Variants in KLB observed in about 807,000 individuals in gnomAD.
KLB encodes beta-klotho.
Under a neutral mutation model 88.4 loss-of-function variants are expected in KLB, and 44 were observed. The ratio of observed to expected loss-of-function variants is 0.50; its 90% CI spans 0.39 to 0.64. The LOEUF (loss-of-function observed/expected upper bound fraction) is 0.64, where lower values mean the gene tolerates loss of function less well. Ranked by LOEUF, KLB falls within the 30% of genes least tolerant of loss-of-function variation. The pLI, the probability that KLB is intolerant of heterozygous loss-of-function variation, is 0.00. For synonymous variants in KLB, 548 were observed against 513.4 expected (o/e 1.07, Z -0.91); for missense variants, 1,137 against 1,304.8 (o/e 0.87, Z 1.98).
chr4:39,413,509 A>G (rs756966371), intron 1 of KLB, among the ~76,000 whole-genome samples: 88 of 152,082 alleles, frequency 5.8e-4, no homozygotes, highest in Non-Finnish European at 1.0e-3. Flanking sequence ...CAGGAGTTCA[A>G]GACTAACCTG....
Position 39,446,031 on chromosome 4 carries a change from G to C in KLB, c.1606-301G>C, listed in dbSNP as rs1239979955. Among the ~76,000 whole-genome samples, 1 of 152,106 alleles carries C rather than the reference G, an allele frequency of 6.6e-6. No homozygotes were observed. The highest frequency in any genetic ancestry group is 2.4e-5 in the African/African-American group (1 of 41,420). On this transcript the variant is annotated intron_variant, in intron 3 of 4. Coordinates refer to ENST00000257408, the MANE Select transcript of KLB (RefSeq NM_175737.4). This position sits in a 1 kb window ranked among gnomAD's most constrained non-coding sequence, Gnocchi z 6.4. ...AATTGCTTTTAATTGAGTGTACCAA[G>C]CCAATTTCCTGATGCATTTGAACAG... is the stretch of plus-strand genomic sequence containing the variant.
chr4:39,434,606 A>G lies in KLB; in HGVS notation c.1222A>G (p.Asn408Asp). 6.2e-7 allele frequency: 1 copy of G among 1,614,188 alleles called. No individual in the cohort carries two copies. Among genetic ancestry groups the G allele is most frequent in the Non-Finnish European group, 8.5e-7 (1 of 1,180,034 alleles). ...GCTGAACTGGATTAAACTGGAATAC[A>G]ACAACCCTCGAATCTTGATTGCTGA... ...EALNWIKLEY[N>D]NPRILIAENG... Residue 408 changes from asparagine to aspartate, a missense_variant, in exon 2 of 5, where the codon AAC becomes GAC. Asn to Asp is a conservative substitution (Grantham distance 23, BLOSUM62 1). This residue lies in a region of KLB where 597 missense variants were observed against 765.2 expected (regional missense o/e 0.78). Transcript: ENST00000257408.
In KLB at chr4:39,448,459, G is replaced by A; in HGVS notation, c.2908G>A (p.Glu970Lys). 1.2e-6 allele frequency: 2 copies of A among 1,614,072 alleles called. No individual in the cohort carries two copies. Among genetic ancestry groups the A allele is most frequent in the East Asian group, 2.2e-5 (1 of 44,876 alleles). Residue 970 changes from glutamate to lysine, a missense_variant, in exon 5 of 5, where the codon GAG (glutamate) becomes AAG (lysine). Physicochemically the swap from Glu to Lys is moderately conservative, Grantham distance 56. This residue lies in a region of KLB where 426 missense variants were observed against 404.6 expected (regional missense o/e 1.05). Transcript: ENST00000257408. The stretch of plus-strand genomic sequence containing the variant: ...GATCAGCAGCAGGGGCTTCCCTTTT[G>A]AGAACAGTAGTTCTAGATGCAGTCA... ...KVISSRGFPF[E>K]NSSSRCSQTQ...
Position 39,407,437 on chromosome 4 carries a change from T to C in KLB, c.488T>C (p.Ile163Thr). 1 of 1,614,148 alleles carries C rather than the reference T, an allele frequency of 6.2e-7. No homozygotes were observed. Among genetic ancestry groups the C allele is most frequent in the Non-Finnish European group, 8.5e-7 (1 of 1,179,990 alleles). Residue 163 changes from isoleucine (I) to threonine (T), a missense_variant, in exon 1 of 5, where the codon ATA becomes ACA. Coordinates refer to ENST00000257408, the MANE Select transcript of KLB (RefSeq NM_175737.4). ...ISWPRLFPDG[I>T]VTVANAKGLQ... The stretch of plus-strand genomic sequence containing the variant: ...TGGCCAAGGCTTTTCCCCGATGGAA[T>C]AGTAACAGTTGCCAACGCAAAAGGT...
chr4:39,421,788 C>G (rs1267369331), intron 1 of KLB, among the ~76,000 whole-genome samples: 1 of 152,118 alleles, frequency 6.6e-6, no homozygotes, highest in Non-Finnish European at 1.5e-5. Flanking sequence ...ACTCTGTCAC[C>G]CAGACTGGAG....
At chr4:39,408,017 AT>A (rs1742767290) in intron 1 of KLB, among the ~76,000 whole-genome samples, 1 of 152,198 alleles carries the variant, frequency 6.6e-6, no homozygotes, top group South Asian at 2.1e-4. Context: ...TAAATCTACC[AT>A]TATACACTAC....
Position 39,407,565 on chromosome 4 carries a change from T to C in KLB, c.616T>C (p.Tyr206His). 3 of 1,613,936 alleles carry C rather than the reference T, an allele frequency of 1.9e-6. No individual in the cohort carries two copies. In the East Asian group the frequency reaches 6.7e-5, roughly 36 times the overall value. The part of the protein sequence containing the change: ...WDLPLALQEK[Y>H]GGWKNDTIID... ...TTTGCCTTTGGCACTACAAGAAAAA[T>C]ATGGGGGGTGGAAAAATGATACCAT... Residue 206 changes from tyrosine (Y) to histidine (H), a missense_variant, in exon 1 of 5, where the codon TAT becomes CAT. Coordinates refer to ENST00000257408, the MANE Select transcript of KLB (RefSeq NM_175737.4).
intron 3 of KLB, among the ~76,000 whole-genome samples, chr4:39,439,606 C>A (rs566262685): frequency 6.6e-6 from 1 of 152,038 alleles, no homozygotes; most frequent in South Asian, 2.1e-4. Flanking sequence ...ATTCTCCTGC[C>A]TCAGCCTCCC....
intron 1 of KLB, among the ~76,000 whole-genome samples, chr4:39,432,025 G>A (rs1009932988): frequency 5.3e-5 from 8 of 152,162 alleles, no homozygotes; most frequent in Non-Finnish European, 8.8e-5. Context: ...AGTGGCTCAC[G>A]CCTGTAATCC....
At chr4:39,427,130 T>G (rs1388805884) in intron 1 of KLB, among the ~76,000 whole-genome samples, 2 of 151,722 alleles carry the variant, frequency 1.3e-5, no homozygotes, top group African/African-American at 4.8e-5. Flanking sequence ...AGGCCAGGAG[T>G]TCGATACCAG....
chr4:39,438,113 AG>A lies in KLB; in HGVS notation c.1605+120del, dbSNP rs1281439967. On this transcript the variant is annotated intron_variant, in intron 3 of 4. Coordinates refer to ENST00000257408, the MANE Select transcript of KLB (RefSeq NM_175737.4). Reference sequence around the variant, plus strand: ...AATATCAAATACCACAATTGTATGGAGGTTATGAAGGAGAGCTAGGGAAAGA... The same window carrying A: ...AATATCAAATACCACAATTGTATGGAGTTATGAAGGAGAGCTAGGGAAAGA... The A allele has an allele frequency of 9.0e-5, 83 of 922,044 alleles. No individual in the cohort carries two copies. The East Asian group carries it at 1.9e-3, about 21-fold the overall frequency. The allele number at this position is 922,044 out of a possible 1,614,324, so 57.1% of individuals were successfully genotyped here.
chr4:39,448,598 T>C lies in KLB; in HGVS notation c.3047T>C (p.Ile1016Thr), dbSNP rs1743816315. The C allele has an allele frequency of 1.2e-6, 2 of 1,614,042 alleles. No individual in the cohort carries two copies. The highest frequency in any genetic ancestry group is 1.1e-5 in the South Asian group (1 of 91,084). Reference protein sequence around the residue: ...STLVLLLSIAIFQRQKRRKFW... With the variant: ...STLVLLLSIATFQRQKRRKFW... ...CTGGTTCTACTCTTATCAATTGCCA[T>C]TTTTCAAAGGCAGAAGAGAAGAAAG... Residue 1016 changes from isoleucine to threonine, a missense_variant, in exon 5 of 5, where the codon ATT (isoleucine) becomes ACT (threonine). Around this residue, in one of 4 missense-constraint regions of KLB, gnomAD observed 426 missense variants for 404.6 expected, o/e 1.05. Transcript: ENST00000257408.
Position 39,446,261 on chromosome 4 carries a change from A to T in KLB, c.1606-71A>T. 1.4e-6 allele frequency: 2 copies of T among 1,401,682 alleles called. No individual in the cohort carries two copies. Among genetic ancestry groups the T allele is most frequent in the Non-Finnish European group, 1.9e-6 (2 of 1,027,120 alleles). 86.8% of individuals were successfully genotyped at this position (1,401,682 alleles called of 1,614,324 possible). On this transcript the variant is annotated intron_variant, in intron 3 of 4. Transcript: ENST00000257408. The surrounding 1 kb of genome is among the most constrained non-coding windows in gnomAD (Gnocchi z 6.4). The stretch of plus-strand genomic sequence containing the variant: ...CTGTAATCCCAGCACTTTGGGAGGC[A>T]GAGGTAGGCAGATCACTTGAGCCTC...
intron 1 of KLB, among the ~76,000 whole-genome samples, chr4:39,414,917 G>T (rs1742936383): frequency 6.7e-6 from 1 of 148,598 alleles, no homozygotes; most frequent in Non-Finnish European, 1.5e-5. Flanking sequence ...CAAACAAAAT[G>T]TTATATAAGC....
At chr4:39,412,501 C>A (rs1213344265) in intron 1 of KLB, among the ~76,000 whole-genome samples, 1 of 152,182 alleles carries the variant, frequency 6.6e-6, no homozygotes, top group Non-Finnish European at 1.5e-5. Context: ...ACTTCATATT[C>A]GATCATAACA....
In KLB at chr4:39,446,512, C is replaced by T; in HGVS notation, c.1786C>T (p.His596Tyr). 6.2e-7 allele frequency: 1 copy of T among 1,614,244 alleles called. No homozygotes were observed. Among genetic ancestry groups the T allele is most frequent in the Non-Finnish European group, 8.5e-7 (1 of 1,180,046 alleles). The change falls in exon 4 of 5, where the codon CAC becomes TAC. Residue 596 changes from histidine to tyrosine, a missense_variant. His to Tyr is a moderately conservative substitution (Grantham distance 83). Coordinates refer to ENST00000257408, the MANE Select transcript of KLB (RefSeq NM_175737.4). The surrounding 1 kb of genome is among the most constrained non-coding windows in gnomAD (Gnocchi z 6.4). The part of the protein sequence containing the change: ...LEMLARMKVT[H>Y]YRFALDWASV... Reference sequence around the variant, plus strand: ...GATGTTGGCAAGAATGAAAGTCACCCACTACCGGTTTGCTCTGGATTGGGC... The same window carrying T: ...GATGTTGGCAAGAATGAAAGTCACCTACTACCGGTTTGCTCTGGATTGGGC...
intron 1 of KLB, among the ~76,000 whole-genome samples, chr4:39,427,872 G>A (rs1432941881): frequency 6.6e-6 from 1 of 152,152 alleles, no homozygotes; most frequent in Non-Finnish European, 1.5e-5. Context: ...GGAAAAACAG[G>A]TCTTTGACAG....
chr4:39,412,677 A>G (rs1742879902), intron 1 of KLB, among the ~76,000 whole-genome samples: 1 of 151,982 alleles, frequency 6.6e-6, no homozygotes, highest in Non-Finnish European at 1.5e-5. Flanking sequence ...CTCCCATAAG[A>G]TGGGCTTGTT....
intron 1 of KLB, among the ~76,000 whole-genome samples, chr4:39,409,344 G>A (rs1742791636): frequency 6.7e-6 from 1 of 149,580 alleles, no homozygotes; most frequent in Admixed American, 6.7e-5. Flanking sequence ...CCAGGCTGGA[G>A]TGCAATGGCG....
Sources: allele counts gnomAD v4.1 joint callset (sites outside exome capture counted in the v4.1 genomes callset), GRCh38; gene constraint gnomAD v4.1.1; regional missense constraint gnomAD v4.1.1; non-coding constraint Gnocchi (gnomAD v3.1); transcripts MANE v1.5; gene names NCBI Gene and HGNC (gene_info 2026-07-23, HGNC 2026-07-21).